The following RANBP2 variants were observed in gnomAD, a reference collection of about 807,000 sequenced individuals.
RANBP2 encodes the protein E3 SUMO-protein ligase RanBP2.
RANBP2 carries 57 observed loss-of-function variants against 303.6 expected under a neutral mutation model. The observed-to-expected ratio is 0.19, with a 90% CI of 0.15 to 0.23. The LOEUF (loss-of-function observed/expected upper bound fraction) is 0.23. Among genes scored for constraint, RANBP2 ranks in the 10% least tolerant of loss-of-function variants. The probability of loss-of-function intolerance (pLI) is 1.00; values close to 1 mark genes in which losing one functional copy is unlikely to be tolerated. For synonymous variants in RANBP2, 1,167 were observed against 1,301.5 expected (o/e 0.90, Z 2.23); for missense variants, 3,138 against 3,780.8 (o/e 0.83, Z 4.46).
chr2:109,372,194 G>A, the RANBP2 span, among the ~76,000 whole-genome samples: 1 of 152,234 alleles, frequency 6.6e-6, no homozygotes, highest in African/African-American at 2.4e-5. Context: ...AAGGTGTTTT[G>A]AGGCTAATTC....
At chr2:109,544,442 G>A in the RANBP2 span, 4 of 1,399,184 alleles carry the variant, frequency 2.9e-6, no homozygotes, top group African/African-American at 1.5e-5. Context: ...AAAAAGAAAA[G>A]AAAAAACCAA....
At chr2:109,550,325 T>C in the RANBP2 span, among the ~76,000 whole-genome samples, 1 of 148,306 alleles carries the variant, frequency 6.7e-6, no homozygotes, top group Non-Finnish European at 1.5e-5. Flanking sequence ...TTTTTTTTTG[T>C]TTTTTGAGAC....
At chr2:109,272,630 GCA>G in the RANBP2 span, among the ~76,000 whole-genome samples, 1 of 152,216 alleles carries the variant, frequency 6.6e-6, no homozygotes, top group Non-Finnish European at 1.5e-5. Flanking sequence ...ACATGCTTCC[GCA>G]CAGACACAGC....
chr2:109,294,491 GT>G, the RANBP2 span, among the ~76,000 whole-genome samples: 1 of 151,590 alleles, frequency 6.6e-6, no homozygotes, highest in Non-Finnish European at 1.5e-5. Context: ...AACCCAGGAG[GT>G]GGAGGTTGCA....
At chr2:108,828,836 G>C in the RANBP2 span, among the ~76,000 whole-genome samples, 2 of 152,058 alleles carry the variant, frequency 1.3e-5, no homozygotes, top group Non-Finnish European at 2.9e-5. Context: ...AAATTAGCCA[G>C]TCATGGTGGC....
chr2:109,573,592 A>C, the RANBP2 span, among the ~76,000 whole-genome samples: 9 of 152,244 alleles, frequency 5.9e-5, no homozygotes, highest in Non-Finnish European at 1.0e-4. Context: ...CAGGCTTTCC[A>C]TACAGGTTTC....
At chr2:109,008,898 CAAAA>C in the RANBP2 span, among the ~76,000 whole-genome samples, 1 of 122,506 alleles carries the variant, frequency 8.2e-6, no homozygotes, top group South Asian at 2.6e-4. Context: ...GATTCCATCT[CAAAA>C]AAAAAAAAGA....
chr2:108,898,297 C>A, the RANBP2 span, among the ~76,000 whole-genome samples: 779 of 152,196 alleles, frequency 5.1e-3, 3 homozygotes, highest in Non-Finnish European at 7.1e-3. Flanking sequence ...GTAAAAACTC[C>A]TCTGCCCCCG....
At chr2:108,888,760 A>T in the RANBP2 span, among the ~76,000 whole-genome samples, 1 of 151,328 alleles carries the variant, frequency 6.6e-6, no homozygotes, top group Non-Finnish European at 1.5e-5. Context: ...TCAATTTTTC[A>T]TGTTGTTGAG....
the RANBP2 span, among the ~76,000 whole-genome samples, chr2:109,733,349 T>G: frequency 6.6e-6 from 1 of 152,158 alleles, no homozygotes; most frequent in Non-Finnish European, 1.5e-5. Flanking sequence ...TCAATTGACA[T>G]GGAAAAAGCA....
the RANBP2 span, among the ~76,000 whole-genome samples, chr2:109,406,639 A>C: frequency 6.6e-6 from 1 of 152,160 alleles, no homozygotes; most frequent in South Asian, 2.1e-4. Flanking sequence ...TATCATCCGC[A>C]GCTGTTTTTA....
At chr2:109,553,080 T>C in the RANBP2 span, 143 of 1,611,252 alleles carry the variant, frequency 8.9e-5, no homozygotes, top group Non-Finnish European at 1.1e-4. Context: ...CAAACCAGCA[T>C]ACTTGCCTCT....
At chr2:108,770,381 A>G (rs957253693) in intron 20 of RANBP2, among the ~76,000 whole-genome samples, 15 of 152,256 alleles carry the variant, frequency 9.9e-5, no homozygotes, top group Middle Eastern at 3.2e-3. Flanking sequence ...GAGAGGGACA[A>G]ATTTAACATT....
At chr2:109,229,831 T>C in the RANBP2 span, among the ~76,000 whole-genome samples, 5 of 121,764 alleles carry the variant, frequency 4.1e-5, no homozygotes, top group East Asian at 4.2e-4. Context: ...TCTTTCTTTT[T>C]TTTTTTTTTT....
the RANBP2 span, chr2:109,760,150 C>A: frequency 2.5e-5 from 3 of 120,982 alleles, no homozygotes; most frequent in Non-Finnish European, 3.3e-5. Context: ...CAGGAGGATG[C>A]GGGAAACTTT....
At chr2:108,758,952 ATAT>A (rs1381421591) in intron 18 of RANBP2, among the ~76,000 whole-genome samples, 1 of 148,994 alleles carries the variant, frequency 6.7e-6, no homozygotes, top group Non-Finnish European at 1.5e-5. Flanking sequence ...TTAATTTGAA[ATAT>A]TATGGTTATA....
chr2:109,174,931 A>G, the RANBP2 span, among the ~76,000 whole-genome samples: 2 of 152,200 alleles, frequency 1.3e-5, no homozygotes, highest in African/African-American at 4.8e-5. Context: ...TCTAATGGGG[A>G]GAGTCCTTGC....
At chr2:108,803,799 T>G in the RANBP2 span, among the ~76,000 whole-genome samples, 1 of 152,346 alleles carries the variant, frequency 6.6e-6, no homozygotes, top group East Asian at 1.9e-4. Context: ...TATTTAGGGC[T>G]TTTAGCTATA....
chr2:109,402,555 G>A, the RANBP2 span, among the ~76,000 whole-genome samples: 8 of 152,316 alleles, frequency 5.3e-5, no homozygotes, highest in Admixed American at 5.2e-4. Context: ...CTACAGCATG[G>A]GGCAGTGCTG....
Sources: gnomAD v4.1 joint callset for allele counts (sites outside exome capture counted in the v4.1 genomes callset) on GRCh38, gnomAD v4.1.1 for gene constraint, MANE v1.5 for transcripts, NCBI Gene and HGNC (gene_info 2026-07-23, HGNC 2026-07-21) for gene names.